Variants in VPS41 observed in about 807,000 individuals in gnomAD.
VPS41 encodes VPS41 subunit of HOPS complex, also known as vacuolar protein sorting-associated protein 41 homolog.
In VPS41, 85 loss-of-function variants were observed where a neutral mutation model predicts 130.9. The ratio of observed to expected loss-of-function variants is 0.65; its 90% CI spans 0.55 to 0.78. The LOEUF (loss-of-function observed/expected upper bound fraction) is 0.78, where lower values mean the gene tolerates loss of function less well. Ranked by LOEUF, VPS41 falls within the 30% of genes least tolerant of loss-of-function variation. The pLI is 0.00. For missense variants in VPS41, 874 were observed against 1,018.7 expected, an observed-to-expected ratio of 0.86 and a Z score of 1.93; for synonymous variants, 335 against 332.9, an observed-to-expected ratio of 1.01 and a Z score of -0.07.
At chr7:38,728,146 T>C (rs989279908) in intron 27 of VPS41, among the ~76,000 whole-genome samples, 2 of 152,222 alleles carry the variant, frequency 1.3e-5, no homozygotes, top group African/African-American at 2.4e-5. Flanking sequence ...TGGTTAGTTT[T>C]CATTTTGTTT....
At chr7:38,827,346 G>GTA (rs1400830507) in intron 5 of VPS41, among the ~76,000 whole-genome samples, 6 of 152,158 alleles carry the variant, frequency 3.9e-5, no homozygotes, top group Non-Finnish European at 8.8e-5. Flanking sequence ...AGAAAGCAAA[G>GTA]TATATGTGTG....
chr7:38,826,545 C>A (rs1402066515), intron 5 of VPS41, among the ~76,000 whole-genome samples: 2 of 152,144 alleles, frequency 1.3e-5, no homozygotes, highest in Non-Finnish European at 2.9e-5. Context: ...TAATAGCTCA[C>A]AATTACTAAG....
chr7:38,779,595 T>C (rs1407142586), intron 10 of VPS41, among the ~76,000 whole-genome samples: 1 of 152,200 alleles, frequency 6.6e-6, no homozygotes, highest in African/African-American at 2.4e-5. Flanking sequence ...AAGTAAGACA[T>C]TTTAGAATAA....
At chr7:38,778,118 T>A (rs1400252890) in intron 10 of VPS41, among the ~76,000 whole-genome samples, 1 of 152,210 alleles carries the variant, frequency 6.6e-6, no homozygotes, top group Non-Finnish European at 1.5e-5. Context: ...TAATATTTCA[T>A]CTGCTTTGTC....
intron 7 of VPS41, among the ~76,000 whole-genome samples, chr7:38,797,642 T>C (rs908624259): frequency 1.6e-4 from 24 of 152,250 alleles, no homozygotes; most frequent in Non-Finnish European, 7.3e-5. Flanking sequence ...AACACATGTT[T>C]ATCCTTTCAA....
chr7:38,909,016 C>T, intron 1 of VPS41, 138 bp downstream of exon 1: 2 of 953,056 alleles, frequency 2.1e-6, no homozygotes, highest in Non-Finnish European at 3.3e-6. Flanking sequence ...CTTTCGCCAT[C>T]CCACCCCGCC....
chr7:38,904,928 T>A (rs1787225589), intron 1 of VPS41, among the ~76,000 whole-genome samples: 1 of 152,212 alleles, frequency 6.6e-6, no homozygotes, highest in African/African-American at 2.4e-5. Context: ...ATTAGGAAGA[T>A]CAAAGGGTAC....
chr7:38,757,721 C>G (rs1183587522), intron 18 of VPS41, among the ~76,000 whole-genome samples: 3 of 152,024 alleles, frequency 2.0e-5, no homozygotes. Context: ...GTGATGGGGG[C>G]ACTGAGGAGA....
chr7:38,769,753 T>C (rs73368216), intron 14 of VPS41, among the ~76,000 whole-genome samples: 7,553 of 152,222 alleles, frequency 0.05, 639 homozygotes, highest in African/African-American at 0.17. Flanking sequence ...TCCAATCCTA[T>C]TGATTCTGTG....
At chr7:38,739,900 T>C (rs892195291) in intron 25 of VPS41, among the ~76,000 whole-genome samples, 2 of 152,270 alleles carry the variant, frequency 1.3e-5, no homozygotes, top group Non-Finnish European at 2.9e-5. Context: ...CTTTAGTAGA[T>C]ATTTTTATGT....
rs144363850 is a variant in VPS41, at chr7:38,811,360, A to G, written c.450+6457T>C. 6.2e-3 allele frequency among the ~76,000 whole-genome samples: 945 copies of G among 152,210 alleles called. 3 individuals carry two copies. Among genetic ancestry groups the G allele is most frequent in the Admixed American group, 9.2e-3 (141 of 15,300 alleles). On this transcript the variant is annotated intron_variant, in intron 7 of 28. Transcript: ENST00000310301. ...CCATTTAACCATATGCAAACAGATC[A>G]TTATAGTTTATCAAGAAAATGGTAC...
At chr7:38,741,642 C>G (rs879664854) in intron 25 of VPS41, among the ~76,000 whole-genome samples, 10 of 152,122 alleles carry the variant, frequency 6.6e-5, no homozygotes, top group Non-Finnish European at 1.3e-4. Flanking sequence ...TTGGGGTGGC[C>G]CGATCTAATG....
At chr7:38,889,491 T>C (rs1468429717) in intron 2 of VPS41, among the ~76,000 whole-genome samples, 5 of 150,458 alleles carry the variant, frequency 3.3e-5, no homozygotes, top group Non-Finnish European at 5.9e-5. Context: ...ATATATCTTA[T>C]GTCCTCAAAG....
At chr7:38,731,479 T>C (rs956104827) in intron 25 of VPS41, among the ~76,000 whole-genome samples, 20 of 152,328 alleles carry the variant, frequency 1.3e-4, no homozygotes, top group African/African-American at 3.1e-4. Flanking sequence ...AAAAGTCAGA[T>C]GCCACAGCAG....
At chr7:38,903,586 C>T (rs1787190937) in intron 1 of VPS41, among the ~76,000 whole-genome samples, 1 of 152,192 alleles carries the variant, frequency 6.6e-6, no homozygotes, top group Admixed American at 6.5e-5. Context: ...TACATGTGAA[C>T]ACTCACTGAG....
chr7:38,789,707 A>G, intron 10 of VPS41, 94 bp downstream of exon 10: 1 of 1,261,478 alleles, frequency 7.9e-7, no homozygotes, highest in Non-Finnish European at 1.2e-6. Flanking sequence ...GCAGGGATCC[A>G]GGCAAAAGAC....
In VPS41 at chr7:38,737,168, G is replaced by A. The variant is rs540294721; in HGVS notation, c.2259+4817C>T. Among the ~76,000 whole-genome samples the A allele has an allele frequency of 9.2e-5, 14 of 152,292 alleles. No homozygotes were observed. In the South Asian group the frequency reaches 2.9e-3, roughly 32 times the overall value. ...AGGCAGGCGGATCATGAGGTCAGGA[G>A]ATGAAGACTATCCTGGCCAACATGG... On this transcript the variant is annotated intron_variant, in intron 25 of 28. Transcript: ENST00000310301.
intron 4 of VPS41, among the ~76,000 whole-genome samples, chr7:38,852,110 C>G (rs577679021): frequency 2.0e-4 from 30 of 152,228 alleles, no homozygotes; most frequent in Non-Finnish European, 3.2e-4. Flanking sequence ...TGCCATGGAC[C>G]CTCAGCTCAT....
intron 10 of VPS41, among the ~76,000 whole-genome samples, chr7:38,785,639 G>C (rs1311662609): frequency 6.6e-6 from 1 of 152,156 alleles, no homozygotes; most frequent in Non-Finnish European, 1.5e-5. Flanking sequence ...CCAATGACCT[G>C]CTAATCACAA....
Sources: gnomAD v4.1 joint callset for allele counts (sites outside exome capture counted in the v4.1 genomes callset) on GRCh38, gnomAD v4.1.1 for gene constraint, MANE v1.5 for transcripts, NCBI Gene and HGNC (gene_info 2026-07-23, HGNC 2026-07-21) for gene names.